Variants in KARS1 observed in about 807,000 individuals in gnomAD.
KARS1 encodes the protein lysine--tRNA ligase.
A neutral mutation model predicts 63.9 loss-of-function variants in KARS1; 50 were observed. The observed-to-expected ratio is 0.78, with a 90% CI of 0.62 to 0.99. The LOEUF is 0.99. KARS1 is among the 50% of genes least tolerant of loss of function. KARS1 has a pLI of 0.00. For missense variants in KARS1, 816 were observed against 754.5 expected, an observed-to-expected ratio of 1.08 and a Z score of -0.95; for synonymous variants, 320 against 264.6, an observed-to-expected ratio of 1.21 and a Z score of -2.03.
chr16:75,637,260 T>C (rs2082172249), intron 3 of KARS1, among the ~76,000 whole-genome samples: 1 of 151,362 alleles, frequency 6.6e-6, no homozygotes, highest in African/African-American at 2.4e-5. Flanking sequence ...CCCCCAAATA[T>C]AAGCAAGGAG....
chr16:75,639,523 G>C (rs1464667800), intron 3 of KARS1, among the ~76,000 whole-genome samples: 2 of 139,838 alleles, frequency 1.4e-5, no homozygotes, highest in Non-Finnish European at 3.0e-5. Context: ...AGTAAGCTGA[G>C]ATGGCACCAC....
At chr16:75,629,586 A>G (rs781394222) in intron 11 of KARS1, 45 bp from the exon 12 acceptor site, 2 of 1,609,100 alleles carry the variant, frequency 1.2e-6, no homozygotes, top group Non-Finnish European at 1.7e-6. Flanking sequence ...AGAGGCCCCT[A>G]ATGAGCTAAA....
intron 5 of KARS1, 49 bp from the exon 6 acceptor site, chr16:75,635,854 G>A (rs781604856): frequency 6.2e-7 from 1 of 1,613,968 alleles, no homozygotes; most frequent in East Asian, 2.2e-5. Context: ...TGATCCAAAG[G>A]TATGATAAAA....
intron 11 of KARS1, among the ~76,000 whole-genome samples, chr16:75,630,103 C>T (rs909054044): frequency 1.3e-5 from 2 of 152,218 alleles, no homozygotes; most frequent in African/African-American, 4.8e-5. Context: ...AGGCTTGATA[C>T]GTGTTTGCAC....
chr16:75,644,392 AC>A, intron 1 of KARS1: 1 of 1,612,424 alleles, frequency 6.2e-7, no homozygotes, highest in Admixed American at 1.7e-5. Flanking sequence ...TTGCGCAGGG[AC>A]CCCCTAACAA....
At chr16:75,629,605 T>G in intron 11 of KARS1, 64 bp from the exon 12 acceptor site, 1 of 1,579,460 alleles carries the variant, frequency 6.3e-7, no homozygotes, top group African/African-American at 1.3e-5. Context: ...AATTTTGTTT[T>G]TTCTTTTTTT....
At position 75,636,519 on chromosome 16, in the gene KARS1, C is replaced by A. The variant is rs139268669; in HGVS notation, c.417G>T (p.Gly139=). 2.5e-5 allele frequency: 41 copies of A among 1,612,750 alleles called. No homozygotes were observed. Among genetic ancestry groups the A allele is most frequent in the Non-Finnish European group, 3.3e-5 (39 of 1,178,812 alleles). ...GAAGATCATAGAAGATGAGCTTTCC[C>A]CCAGAAGCTCTTTTGGCATGGATCC... is the stretch of plus-strand genomic sequence containing the variant. The part of the protein sequence containing the change: ...AGRIHAKRAS[G]GKLIFYDLRG... The change falls in exon 4 of 14, where the codon GGG becomes GGT. Residue 139 remains glycine (G), a synonymous_variant. Transcript: ENST00000302445.
Position 75,631,789 on chromosome 16 carries a change from C to T in KARS1, c.982G>A (p.Asp328Asn). ...IGRQFRNEGI[D>N]LTHNPEFTTC... Reference sequence around the variant, plus strand: ...GTGAACTCAGGATTGTGCGTCAAATCAATCCCCTCATTCCGGAACTGGCGT... The same window carrying T: ...GTGAACTCAGGATTGTGCGTCAAATTAATCCCCTCATTCCGGAACTGGCGT... The change falls in exon 8 of 14, where the codon GAT becomes AAT. Residue 328 changes from aspartate (D) to asparagine (N), a missense_variant. By Grantham distance (23) the Asp-to-Asn change is conservative. Transcript: ENST00000302445. The T allele has an allele frequency of 6.2e-7, 1 of 1,614,210 alleles. No homozygotes were observed. Among genetic ancestry groups the T allele is most frequent in the Middle Eastern group, 1.6e-4 (1 of 6,062 alleles).
At chr16:75,636,568 A>G in intron 3 of KARS1, 21 bp from the exon 4 acceptor site, 2 of 1,422,584 alleles carry the variant, frequency 1.4e-6, no homozygotes, top group Non-Finnish European at 9.9e-7. Context: ...AAGAGCAAAA[A>G]TACTGACTGA....
chr16:75,642,226 C>CA (rs1031155364), intron 1 of KARS1, among the ~76,000 whole-genome samples: 9 of 96,822 alleles, frequency 9.3e-5, no homozygotes, highest in Admixed American at 3.2e-4. Flanking sequence ...TTTTATGAGA[C>CA]AGAGTTTTGC....
chr16:75,644,260 T>C (rs1567505360), intron 1 of KARS1: 1 of 1,577,520 alleles, frequency 6.3e-7, no homozygotes, highest in Non-Finnish European at 8.6e-7. Context: ...TCCAGAGCAA[T>C]AAAGAAGGTA....
At chr16:75,647,504 G>A in intron 1 of KARS1, 74 bp downstream of exon 1, 5 of 1,389,656 alleles carry the variant, frequency 3.6e-6, no homozygotes, top group Non-Finnish European at 5.0e-6. Flanking sequence ...AGCAGCCTTG[G>A]TGGGAACCTC....
intron 3 of KARS1, among the ~76,000 whole-genome samples, chr16:75,637,475 A>G (rs980476248): frequency 5.9e-5 from 9 of 152,100 alleles, no homozygotes; most frequent in Admixed American, 3.9e-4. Context: ...TGAGGGTTGC[A>G]TTAAGAAGAT....
chr16:75,629,333 G>A (rs556556718), intron 12 of KARS1, 82 bp downstream of exon 12: 73 of 1,556,046 alleles, frequency 4.7e-5, no homozygotes, highest in South Asian at 2.1e-4. Context: ...CACCAAGAAC[G>A]TATACGCTGA....
At chr16:75,630,028 T>G (rs2082094350) in intron 11 of KARS1, among the ~76,000 whole-genome samples, 1 of 152,198 alleles carries the variant, frequency 6.6e-6, no homozygotes, top group African/African-American at 2.4e-5. Context: ...TGCCCATGTG[T>G]AGTCTCCTTC....
chr16:75,629,294 C>G, intron 12 of KARS1, 121 bp downstream of exon 12: 1 of 1,248,422 alleles, frequency 8.0e-7, no homozygotes, highest in Non-Finnish European at 1.2e-6. Flanking sequence ...CTCCAGCAAG[C>G]CTATGGCTTT....
intron 7 of KARS1, 69 bp downstream of exon 7, chr16:75,634,104 A>C (rs1597167527): frequency 6.6e-7 from 1 of 1,521,198 alleles, no homozygotes; most frequent in Non-Finnish European, 9.1e-7. Flanking sequence ...TTCTGACTAT[A>C]CCCATCTAGC....
At chr16:75,629,574 A>G (rs535440639) in intron 11 of KARS1, 33 bp from the exon 12 acceptor site, 5 of 1,612,510 alleles carry the variant, frequency 3.1e-6, no homozygotes, top group Admixed American at 1.7e-5. Context: ...GAGGCTGAAT[A>G]TAGAGGCCCC....
At chr16:75,638,773 T>C (rs1405976576) in intron 3 of KARS1, among the ~76,000 whole-genome samples, 2 of 151,760 alleles carry the variant, frequency 1.3e-5, no homozygotes. Context: ...GGATTTGAGA[T>C]AAAGTGACAA....
Sources: gnomAD v4.1 joint callset for allele counts (sites outside exome capture counted in the v4.1 genomes callset) on GRCh38, gnomAD v4.1.1 for gene constraint, MANE v1.5 for transcripts, NCBI Gene and HGNC (gene_info 2026-07-23, HGNC 2026-07-21) for gene names.